LRP1B: variants seen among roughly 807,000 people sequenced by gnomAD.
LRP1B encodes low-density lipoprotein receptor-related protein 1B.
LRP1B carries 217 observed loss-of-function variants against 556.6 expected under a neutral mutation model. The observed-to-expected ratio is 0.39, with a 90% confidence interval of 0.35 to 0.44. The LOEUF (loss-of-function observed/expected upper bound fraction) is 0.44, where lower values mean the gene tolerates loss of function less well. Among genes scored for constraint, LRP1B ranks in the 20% least tolerant of loss-of-function variants. The pLI, the probability that LRP1B is intolerant of heterozygous loss-of-function variation, is 1.00. For missense variants in LRP1B, 5,053 were observed against 5,620.8 expected, an observed-to-expected ratio of 0.90 and a Z score of 3.23; for synonymous variants, 2,047 against 1,865.8, an observed-to-expected ratio of 1.10 and a Z score of -2.50.
At position 142,130,698 on chromosome 2, in the gene LRP1B, AGAGT is replaced by A; in HGVS notation, c.28_31del (p.Thr10SerfsTer11). 2 of 1,613,612 alleles carry A rather than the reference AGAGT, an allele frequency of 1.2e-6. No homozygotes were observed. Among genetic ancestry groups the A allele is most frequent in the Non-Finnish European group, 1.7e-6 (2 of 1,179,782 alleles). ...CCTGGCAATCGGCAATAATCCCGAG[AGAGT>A]GAGTAAGGCGAGGAGAAACTCGGAC... is the stretch of plus-strand genomic sequence containing the variant. On this transcript the variant is annotated frameshift_variant, in exon 1 of 91. Coordinates refer to ENST00000389484, the MANE Select transcript of LRP1B (RefSeq NM_018557.3). LOFTEE classifies it high-confidence loss of function.
At chr2:140,968,262 G>A (rs549311918) in intron 18 of LRP1B, among the ~76,000 whole-genome samples, 26 of 151,556 alleles carry the variant, frequency 1.7e-4, no homozygotes, top group Non-Finnish European at 3.4e-4. Flanking sequence ...GTCTTGGGAG[G>A]GTGTATATGT....
intron 43 of LRP1B, among the ~76,000 whole-genome samples, chr2:140,590,705 G>T (rs1174881070): frequency 1.3e-5 from 2 of 152,030 alleles, no homozygotes; most frequent in Non-Finnish European, 2.9e-5. Flanking sequence ...GCACCCTGAT[G>T]TCAGAATTCC....
intron 6 of LRP1B, among the ~76,000 whole-genome samples, chr2:141,199,485 T>A (rs1681905292): frequency 6.6e-6 from 1 of 152,090 alleles, no homozygotes; most frequent in African/African-American, 2.4e-5. Context: ...AGGAGAGAAT[T>A]TAAAGTCTTT....
intron 3 of LRP1B, among the ~76,000 whole-genome samples, chr2:141,475,701 TG>T (rs1682676254): frequency 6.6e-6 from 1 of 151,020 alleles, no homozygotes; most frequent in Non-Finnish European, 1.5e-5. Flanking sequence ...AGCAACAGAG[TG>T]GTGAGGCAGA....
At chr2:141,793,940 G>T (rs978035271) in intron 2 of LRP1B, among the ~76,000 whole-genome samples, 1 of 151,658 alleles carries the variant, frequency 6.6e-6, no homozygotes, top group Non-Finnish European at 1.5e-5. Flanking sequence ...AAGTAGTTTT[G>T]GTTTCCTTTT....
At chr2:140,751,445 C>T (rs552602229) in intron 35 of LRP1B, among the ~76,000 whole-genome samples, 9 of 152,288 alleles carry the variant, frequency 5.9e-5, no homozygotes, top group African/African-American at 2.2e-4. Context: ...CATAACAGCA[C>T]ACAGTGGTCC....
chr2:141,902,850 T>C (rs532336245), intron 1 of LRP1B, among the ~76,000 whole-genome samples: 2 of 152,112 alleles, frequency 1.3e-5, no homozygotes, highest in Non-Finnish European at 2.9e-5. Flanking sequence ...AGCAATTGTT[T>C]AGAACTCCAA....
chr2:141,314,297 G>A (rs189283497), intron 3 of LRP1B, among the ~76,000 whole-genome samples: 85 of 152,120 alleles, frequency 5.6e-4, no homozygotes, highest in Admixed American at 4.2e-3. Flanking sequence ...TCTCTAAAGG[G>A]ATACATTCCC....
chr2:140,646,078 A>G (rs1684473154), intron 41 of LRP1B, among the ~76,000 whole-genome samples: 1 of 152,296 alleles, frequency 6.6e-6, no homozygotes, highest in South Asian at 2.1e-4. Context: ...TTCTTTATAC[A>G]ACGCTCAAAA....
At chr2:141,819,832 A>G (rs1042260204) in intron 1 of LRP1B, among the ~76,000 whole-genome samples, 6 of 152,162 alleles carry the variant, frequency 3.9e-5, no homozygotes, top group African/African-American at 1.4e-4. Flanking sequence ...ATATATATCT[A>G]TCTATGGAAA....
chr2:140,384,642 A>C (rs2105196015), intron 67 of LRP1B, among the ~76,000 whole-genome samples: 1 of 152,356 alleles, frequency 6.6e-6, no homozygotes, highest in East Asian at 1.9e-4. Flanking sequence ...TTAAGTTTTG[A>C]AAGTTATCCA....
chr2:141,766,081 T>C (rs1273782883), intron 2 of LRP1B, among the ~76,000 whole-genome samples: 1 of 152,218 alleles, frequency 6.6e-6, no homozygotes, highest in East Asian at 1.9e-4. Context: ...CTTTTTTACA[T>C]TTATAAGCAC....
intron 4 of LRP1B, among the ~76,000 whole-genome samples, chr2:141,248,801 A>G (rs1027019736): frequency 6.6e-6 from 1 of 152,202 alleles, no homozygotes; most frequent in Non-Finnish European, 1.5e-5. Flanking sequence ...GCTTTGGTAA[A>G]TGTGGAGAAA....
intron 2 of LRP1B, among the ~76,000 whole-genome samples, chr2:141,635,067 C>CA (rs1558769127): frequency 2.0e-5 from 3 of 150,932 alleles, no homozygotes; most frequent in African/African-American, 7.3e-5. Context: ...CACACACACA[C>CA]CAAGTAAGCT....
At chr2:141,875,666 T>G (rs968451139) in intron 1 of LRP1B, among the ~76,000 whole-genome samples, 1 of 152,010 alleles carries the variant, frequency 6.6e-6, no homozygotes, top group African/African-American at 2.4e-5. Context: ...TGAAAGCGAT[T>G]ACTTATTTGG....
chr2:140,798,475 A>G (rs533137353), intron 32 of LRP1B, among the ~76,000 whole-genome samples: 1 of 152,244 alleles, frequency 6.6e-6, no homozygotes, highest in South Asian at 2.1e-4. Context: ...TTATTTTTTA[A>G]GGGTTTTTTT....
intron 1 of LRP1B, among the ~76,000 whole-genome samples, chr2:141,972,484 A>G (rs1701770094): frequency 1.3e-5 from 2 of 151,472 alleles, no homozygotes; most frequent in East Asian, 1.9e-4. Context: ...CTTCAATTCC[A>G]CATGAAATGA....
intron 2 of LRP1B, among the ~76,000 whole-genome samples, chr2:141,485,069 T>A (rs1341397379): frequency 6.6e-6 from 1 of 152,134 alleles, no homozygotes; most frequent in Non-Finnish European, 1.5e-5. Flanking sequence ...AAAATATGTG[T>A]TTATTTTGCA....
At chr2:141,839,263 A>G (rs1697385868) in intron 1 of LRP1B, among the ~76,000 whole-genome samples, 1 of 152,160 alleles carries the variant, frequency 6.6e-6, no homozygotes, top group African/African-American at 2.4e-5. Flanking sequence ...CTACACATGT[A>G]CCTTACATAG....
Sources: allele counts gnomAD v4.1 joint callset (sites outside exome capture counted in the v4.1 genomes callset), GRCh38; gene constraint gnomAD v4.1.1; transcripts MANE v1.5; gene names NCBI Gene and HGNC (gene_info 2026-07-23, HGNC 2026-07-21).